The following DLGAP2 variants were observed in gnomAD, a reference collection of about 807,000 sequenced individuals.
DLGAP2 encodes the protein DLG associated protein 2, also known as disks large-associated protein 2.
A neutral mutation model predicts 100.3 loss-of-function variants in DLGAP2; 26 were observed. The observed-to-expected ratio is 0.26, with a 90% CI of 0.19 to 0.36. The LOEUF (loss-of-function observed/expected upper bound fraction) is 0.36. DLGAP2 is among the 10% of genes least tolerant of loss of function. The probability of loss-of-function intolerance (pLI) is 1.00; values close to 1 mark genes in which losing one functional copy is unlikely to be tolerated. For missense variants in DLGAP2, 1,858 were observed against 1,453.2 expected (o/e 1.28, Z -4.53); for synonymous variants, 886 against 630.1 (o/e 1.41, Z -6.08).
intron 2 of DLGAP2, chr8:1,246,648 C>T (rs147814616): frequency 6.6e-6 from 1 of 152,294 alleles, no homozygotes; most frequent in African/African-American, 2.4e-5. Flanking sequence ...CCTGCTTTCA[C>T]ACGATGAAGA....
At chr8:981,798 A>T (rs1408386468) in intron 2 of DLGAP2, among the ~76,000 whole-genome samples, 1 of 152,186 alleles carries the variant, frequency 6.6e-6, no homozygotes, top group African/African-American at 2.4e-5. Flanking sequence ...GAAGTTCTTT[A>T]TATATTGTGG....
At chr8:1,587,689 A>G (rs981288823) in intron 6 of DLGAP2, among the ~76,000 whole-genome samples, 2 of 152,216 alleles carry the variant, frequency 1.3e-5, no homozygotes, top group African/African-American at 2.4e-5. Context: ...TATTAAAAAT[A>G]TAGCTACTAT....
At chr8:1,058,929 T>C (rs1417452656) in intron 2 of DLGAP2, among the ~76,000 whole-genome samples, 12 of 152,218 alleles carry the variant, frequency 7.9e-5, no homozygotes, top group Admixed American at 7.2e-4. Context: ...AAACTGGTGT[T>C]AGAAGCTTGA....
chr8:1,354,518 AAAAG>A (rs1159490541), intron 3 of DLGAP2, among the ~76,000 whole-genome samples: 2 of 152,258 alleles, frequency 1.3e-5, no homozygotes, highest in Non-Finnish European at 2.9e-5. Context: ...GTCTCAGAAA[AAAAG>A]AAAGAACGAA....
intron 12 of DLGAP2, among the ~76,000 whole-genome samples, chr8:1,686,368 C>G (rs112667814): frequency 1.3e-5 from 2 of 152,226 alleles, no homozygotes; most frequent in African/African-American, 4.8e-5. Context: ...TGCGTAATCT[C>G]ACTCTGATGT....
chr8:959,218 G>A (rs575265822), intron 2 of DLGAP2, among the ~76,000 whole-genome samples: 5 of 152,332 alleles, frequency 3.3e-5, no homozygotes, highest in African/African-American at 9.6e-5. Flanking sequence ...AAAAGAGTGA[G>A]TGTTTCAGAG....
chr8:1,339,501 G>A (rs1042284880), intron 3 of DLGAP2, among the ~76,000 whole-genome samples: 5 of 152,200 alleles, frequency 3.3e-5, no homozygotes, highest in East Asian at 1.9e-4. Context: ...TTCTGGAACC[G>A]CAGCACTGTC....
At chr8:1,594,094 G>A (rs912649287) in intron 6 of DLGAP2, among the ~76,000 whole-genome samples, 2 of 152,196 alleles carry the variant, frequency 1.3e-5, no homozygotes, top group African/African-American at 2.4e-5. Flanking sequence ...TTCTCTCTGG[G>A]AAGGGAAAGA....
At position 1,683,649 on chromosome 8, in the gene DLGAP2, G is replaced by A. The variant is rs139476379; in HGVS notation, c.2704+5020G>A. Among the ~76,000 whole-genome samples, 17 of 150,098 alleles carry A rather than the reference G, an allele frequency of 1.1e-4. 1 individual carries two copies. Among genetic ancestry groups the A allele is most frequent in the African/African-American group, 4.2e-4 (17 of 40,910 alleles). On this transcript the variant is annotated intron_variant, in intron 12 of 14. Coordinates refer to ENST00000637795, the MANE Select transcript of DLGAP2 (RefSeq NM_001346810.2). ...GAATGGGGAGGAAGAGAGGGAAGCA[G>A]GAGGATGGGCTGTCTTAGCGAACAG...
At chr8:1,618,012 C>G (rs1797213333) in intron 6 of DLGAP2, among the ~76,000 whole-genome samples, 1 of 152,148 alleles carries the variant, frequency 6.6e-6, no homozygotes, top group Non-Finnish European at 1.5e-5. Flanking sequence ...ATTAAGGGTG[C>G]AACATTTAAC....
At chr8:1,344,765 G>C (rs1007168324) in intron 3 of DLGAP2, among the ~76,000 whole-genome samples, 3 of 152,138 alleles carry the variant, frequency 2.0e-5, no homozygotes, top group African/African-American at 7.2e-5. Flanking sequence ...TCCTCCTTGG[G>C]GATCACTGGT....
At chr8:1,202,381 G>A (rs1261333021) in intron 2 of DLGAP2, among the ~76,000 whole-genome samples, 1 of 152,048 alleles carries the variant, frequency 6.6e-6, no homozygotes, top group African/African-American at 2.4e-5. Flanking sequence ...GTGCTGTGCA[G>A]TGGACGTCCA....
intron 3 of DLGAP2, among the ~76,000 whole-genome samples, chr8:1,382,016 T>C (rs1473194100): frequency 6.6e-6 from 1 of 152,076 alleles, no homozygotes; most frequent in East Asian, 1.9e-4. Flanking sequence ...CAGTTGACCC[T>C]CATAAAAAAG....
rs769630548 is a variant in DLGAP2, at chr8:1,549,461, G to A, written c.1008G>A (p.Gly336=). The change falls in exon 5 of 15, where the codon GGG becomes GGA. Residue 336 remains glycine (G), a synonymous_variant. Coordinates refer to ENST00000637795, the MANE Select transcript of DLGAP2 (RefSeq NM_001346810.2). The part of the protein sequence containing the change: ...CYPDALQSPF[G]DLSLKTSKSN... ...CCGACGCGCTGCAGAGCCCCTTCGG[G>A]GACCTGTCCCTCAAGACCTCCAAGA... The A allele has an allele frequency of 5.0e-6, 8 of 1,613,456 alleles. No individual in the cohort carries two copies. Among genetic ancestry groups the A allele is most frequent in the South Asian group, 2.2e-5 (2 of 91,074 alleles).
intron 12 of DLGAP2, among the ~76,000 whole-genome samples, chr8:1,689,421 G>A (rs1197577699): frequency 6.6e-6 from 1 of 152,200 alleles, no homozygotes; most frequent in African/African-American, 2.4e-5. Context: ...GATTAAGTGG[G>A]GATGGATCTC....
chr8:1,070,278 G>T (rs1585032186), intron 2 of DLGAP2, among the ~76,000 whole-genome samples: 1 of 152,262 alleles, frequency 6.6e-6, no homozygotes, highest in East Asian at 1.9e-4. Flanking sequence ...GTTCAGGGCA[G>T]CTGCGAGAAG....
intron 3 of DLGAP2, among the ~76,000 whole-genome samples, chr8:1,273,546 C>A (rs1799623914): frequency 6.6e-6 from 1 of 152,218 alleles, no homozygotes; most frequent in Non-Finnish European, 1.5e-5. Flanking sequence ...CCGGCAGGAA[C>A]GTCCTGCTCT....
At chr8:1,315,310 C>G (rs962855236) in intron 3 of DLGAP2, among the ~76,000 whole-genome samples, 2 of 148,890 alleles carry the variant, frequency 1.3e-5, no homozygotes, top group Admixed American at 6.7e-5. Flanking sequence ...CAGCGTCTCT[C>G]CAACATTGGT....
intron 3 of DLGAP2, among the ~76,000 whole-genome samples, chr8:1,438,121 C>T (rs911881873): frequency 4.6e-5 from 7 of 152,212 alleles, no homozygotes; most frequent in African/African-American, 1.7e-4. Flanking sequence ...GTCAGTACTC[C>T]TGTCTCAGGA....
Sources: gnomAD v4.1 joint callset for allele counts (sites outside exome capture counted in the v4.1 genomes callset) on GRCh38, gnomAD v4.1.1 for gene constraint, MANE v1.5 for transcripts, NCBI Gene and HGNC (gene_info 2026-07-23, HGNC 2026-07-21) for gene names.